Variants in ERC2 observed in about 807,000 individuals in gnomAD.
ERC2 encodes ERC protein 2.
In ERC2, 42 loss-of-function variants were observed where a neutral mutation model predicts 114.8. That is an observed-to-expected ratio of 0.37 (90% confidence interval 0.29 to 0.47). The LOEUF (loss-of-function observed/expected upper bound fraction) is 0.47, where lower values mean the gene tolerates loss of function less well. Among genes scored for constraint, ERC2 ranks in the 20% least tolerant of loss-of-function variants. ERC2 has a pLI of 0.99. For synonymous variants in ERC2, 454 were observed against 425.5 expected, an observed-to-expected ratio of 1.07 and a Z score of -0.82; for missense variants, 939 against 1,150.7, an observed-to-expected ratio of 0.82 and a Z score of 2.66.
At chr3:55,634,611 C>T (rs1425188940) in intron 17 of ERC2, among the ~76,000 whole-genome samples, 1 of 152,184 alleles carries the variant, frequency 6.6e-6, no homozygotes, top group East Asian at 1.9e-4. Flanking sequence ...TCTACTTAGA[C>T]TGTAAGATTA....
chr3:56,046,519 T>C (rs1434467118), intron 7 of ERC2, among the ~76,000 whole-genome samples: 1 of 152,210 alleles, frequency 6.6e-6, no homozygotes, highest in Non-Finnish European at 1.5e-5. Flanking sequence ...ACCAGTTACT[T>C]ATGACAATCA....
intron 4 of ERC2, among the ~76,000 whole-genome samples, chr3:56,160,211 T>C (rs2081974526): frequency 1.3e-5 from 2 of 152,150 alleles, no homozygotes; most frequent in African/African-American, 4.8e-5. Context: ...TAAGATGGCT[T>C]CTCACTGTGG....
Position 55,697,980 on chromosome 3 carries a change from G to A in ERC2, c.2847+1398C>T, listed in dbSNP as rs370580859. On this transcript the variant is annotated intron_variant, in intron 16 of 17. Transcript: ENST00000288221. ...TGGAGCAGGCAGAGGTGGGGAGGTG[G>A]TAGTGGTGGTGGTGGTGATGGTGAA... is the stretch of plus-strand genomic sequence containing the variant. Among the ~76,000 whole-genome samples the A allele has an allele frequency of 1.5e-4, 23 of 152,096 alleles. No individual in the cohort carries two copies. The East Asian group carries it at 2.9e-3, about 19-fold the overall frequency.
intron 12 of ERC2, among the ~76,000 whole-genome samples, chr3:55,981,092 T>G (rs1413490478): frequency 6.6e-6 from 1 of 152,184 alleles, no homozygotes; most frequent in Non-Finnish European, 1.5e-5. Context: ...ATCGGAAAGG[T>G]GTAAGCACCA....
intron 5 of ERC2, among the ~76,000 whole-genome samples, chr3:56,143,119 G>A (rs1295434900): frequency 1.3e-5 from 2 of 152,094 alleles, no homozygotes; most frequent in East Asian, 3.9e-4. Context: ...GTGAGGAGGG[G>A]GAATATGGTA....
At chr3:55,775,667 T>C (rs1017810914) in intron 14 of ERC2, among the ~76,000 whole-genome samples, 4 of 151,724 alleles carry the variant, frequency 2.6e-5, no homozygotes, top group Non-Finnish European at 1.5e-5. Flanking sequence ...ATAGATAATA[T>C]GAACAAATGA....
intron 12 of ERC2, chr3:55,955,094 G>C: frequency 2.0e-6 from 1 of 498,498 alleles, no homozygotes; most frequent in Admixed American, 2.0e-5. Context: ...TGTTAAAATA[G>C]GAATGCCTAT....
At chr3:55,805,309 A>C (rs1161176504) in intron 14 of ERC2, among the ~76,000 whole-genome samples, 1 of 151,860 alleles carries the variant, frequency 6.6e-6, no homozygotes, top group Non-Finnish European at 1.5e-5. Context: ...TAAGTGATTC[A>C]GATTTTGGTC....
chr3:56,127,117 G>A (rs1238160393), intron 6 of ERC2, among the ~76,000 whole-genome samples: 3 of 152,050 alleles, frequency 2.0e-5, no homozygotes, highest in African/African-American at 7.2e-5. Context: ...AATAACAAAT[G>A]AGGTAAAAGA....
chr3:55,947,445 G>C (rs1016981636), intron 13 of ERC2, among the ~76,000 whole-genome samples: 7 of 152,212 alleles, frequency 4.6e-5, no homozygotes, highest in Admixed American at 3.3e-4. Flanking sequence ...TGTGAGTCAA[G>C]TGAACTTTTC....
intron 3 of ERC2, among the ~76,000 whole-genome samples, chr3:56,184,465 A>G (rs1297220828): frequency 1.3e-5 from 2 of 152,206 alleles, no homozygotes; most frequent in Non-Finnish European, 2.9e-5. Context: ...TAACTTACAC[A>G]ATGATTATCA....
At chr3:55,713,123 T>TGC (rs1176170483) in intron 15 of ERC2, among the ~76,000 whole-genome samples, 6 of 114,876 alleles carry the variant, frequency 5.2e-5, no homozygotes, top group African/African-American at 2.5e-4. Flanking sequence ...TCTCTCTCTC[T>TGC]CTCTGTCTCA....
At chr3:55,961,497 C>T (rs1038112526) in intron 12 of ERC2, among the ~76,000 whole-genome samples, 11 of 152,168 alleles carry the variant, frequency 7.2e-5, no homozygotes, top group African/African-American at 2.7e-4. Flanking sequence ...TTCTGTCTTC[C>T]TTGTTCTGCT....
intron 3 of ERC2, among the ~76,000 whole-genome samples, chr3:56,246,944 G>A (rs2051750625): frequency 6.6e-6 from 1 of 152,224 alleles, no homozygotes; most frequent in Admixed American, 6.5e-5. Flanking sequence ...ATCCATATGA[G>A]TATGACCAGC....
chr3:55,832,448 A>C (rs941613057), intron 14 of ERC2, among the ~76,000 whole-genome samples: 9 of 152,224 alleles, frequency 5.9e-5, no homozygotes, highest in African/African-American at 2.2e-4. Flanking sequence ...TTCACGGTTC[A>C]CGAAAATCCG....
chr3:55,655,138 T>C (rs2060801613), intron 17 of ERC2, among the ~76,000 whole-genome samples: 1 of 152,154 alleles, frequency 6.6e-6, no homozygotes, highest in African/African-American at 2.4e-5. Context: ...TGACTCAGGT[T>C]CCACACTAGC....
chr3:56,355,890 C>G (rs2058730036), intron 2 of ERC2, among the ~76,000 whole-genome samples: 1 of 152,194 alleles, frequency 6.6e-6, no homozygotes, highest in South Asian at 2.1e-4. Context: ...ACCGTACTTT[C>G]CATGGAGAGG....
chr3:55,776,463 G>A (rs111641705), intron 14 of ERC2, among the ~76,000 whole-genome samples: 246 of 152,316 alleles, frequency 1.6e-3, no homozygotes, highest in Non-Finnish European at 2.5e-3. Flanking sequence ...CCGCTGAGTG[G>A]AGACGATGGG....
chr3:56,420,610 G>T (rs2061348545), intron 2 of ERC2, among the ~76,000 whole-genome samples: 1 of 151,972 alleles, frequency 6.6e-6, no homozygotes, highest in Admixed American at 6.6e-5. Flanking sequence ...TGGGGGCCGG[G>T]TGTGGTGGCT....
Sources: gnomAD v4.1 joint callset for allele counts (sites outside exome capture counted in the v4.1 genomes callset) on GRCh38, gnomAD v4.1.1 for gene constraint, MANE v1.5 for transcripts, NCBI Gene and HGNC (gene_info 2026-07-23, HGNC 2026-07-21) for gene names.